SUCLA2: variants seen among roughly 807,000 people sequenced by gnomAD.
SUCLA2 encodes succinate--CoA ligase [ADP-forming] subunit beta, mitochondrial.
Under a neutral mutation model 54.8 loss-of-function variants are expected in SUCLA2, and 30 were observed. The ratio of observed to expected loss-of-function variants is 0.55; its 90% CI spans 0.41 to 0.74. The LOEUF is 0.74. Among genes scored for constraint, SUCLA2 ranks in the 30% least tolerant of loss-of-function variants. The pLI is 0.00. For missense variants in SUCLA2, 476 were observed against 562.9 expected (o/e 0.85, Z 1.56); for synonymous variants, 172 against 188.9 (o/e 0.91, Z 0.74).
chr13:47,943,267 A>T lies in SUCLA2; in HGVS notation c.*104T>A. 8.6e-7 allele frequency: 1 copy of T among 1,167,306 alleles called. No homozygotes were observed. The highest frequency in any genetic ancestry group is 1.3e-6 in the Non-Finnish European group (1 of 775,980). 72.3% of individuals were successfully genotyped at this position (1,167,306 alleles called of 1,614,324 possible). Reference sequence around the variant, plus strand: ...ATGTTTGTGTGCCTAGATGGCAATTACAATCTCCACACACTAAAAAGAAAA... The same window carrying T: ...ATGTTTGTGTGCCTAGATGGCAATTTCAATCTCCACACACTAAAAAGAAAA... On this transcript the variant is annotated 3_prime_UTR_variant, in exon 11 of 11. Coordinates refer to ENST00000646932, the MANE Select transcript of SUCLA2 (RefSeq NM_003850.3).
chr13:47,951,303 A>T (rs1292592511), intron 8 of SUCLA2, among the ~76,000 whole-genome samples: 1 of 150,642 alleles, frequency 6.6e-6, no homozygotes, highest in African/African-American at 2.4e-5. Context: ...AAAAGCCTCT[A>T]GTCCGCCACC....
At chr13:47,949,269 C>T (rs547285109) in intron 9 of SUCLA2, among the ~76,000 whole-genome samples, 8 of 152,130 alleles carry the variant, frequency 5.3e-5, no homozygotes, top group Admixed American at 2.0e-4. Context: ...AGACAAATCA[C>T]AACAAATAAA....
At chr13:47,983,462 T>C (rs1398633246) in intron 4 of SUCLA2, among the ~76,000 whole-genome samples, 2 of 151,018 alleles carry the variant, frequency 1.3e-5, no homozygotes, top group East Asian at 3.9e-4. Context: ...TAAAATATTC[T>C]AACATTTTAG....
chr13:47,954,005 CAA>C (rs1388916757), intron 8 of SUCLA2, 133 bp downstream of exon 8: 3 of 814,426 alleles, frequency 3.7e-6, no homozygotes, highest in Non-Finnish European at 4.9e-6. Context: ...GATATGATAG[CAA>C]AAAAAGACTC....
chr13:47,958,271 T>G (rs769845455), intron 6 of SUCLA2, among the ~76,000 whole-genome samples: 3 of 152,168 alleles, frequency 2.0e-5, no homozygotes, highest in Non-Finnish European at 2.9e-5. Flanking sequence ...GTAAACAAAG[T>G]GTAACCATGT....
At chr13:47,954,083 TAAGTATTTATTTTA>T in intron 8 of SUCLA2, 43 bp downstream of exon 8, 1 of 1,276,940 alleles carries the variant, frequency 7.8e-7, no homozygotes, top group Non-Finnish European at 1.0e-6. Context: ...TACATTTTTA[TAAGTATTTATTTTA>T]TATATTTACA....
At chr13:47,943,766 G>GTGTGTGTGTGTA (rs1300486540) in intron 10 of SUCLA2, among the ~76,000 whole-genome samples, 9 of 139,662 alleles carry the variant, frequency 6.4e-5, no homozygotes, top group African/African-American at 2.1e-4. Flanking sequence ...GTGTGTGTGT[G>GTGTGTGTGTGTA]TATATATATA....
intron 8 of SUCLA2, among the ~76,000 whole-genome samples, chr13:47,950,278 A>G (rs1201771883): frequency 6.6e-6 from 1 of 152,166 alleles, no homozygotes; most frequent in East Asian, 1.9e-4. Context: ...CTCACTACAT[A>G]AAGGATAATT....
intron 4 of SUCLA2, among the ~76,000 whole-genome samples, chr13:47,973,711 C>T (rs561116102): frequency 2.6e-5 from 4 of 152,242 alleles, no homozygotes; most frequent in Non-Finnish European, 4.4e-5. Context: ...CAATGATACA[C>T]TGGATAAAGA....
intron 4 of SUCLA2, among the ~76,000 whole-genome samples, chr13:47,975,247 G>A (rs922406262): frequency 9.9e-5 from 15 of 150,856 alleles, no homozygotes; most frequent in East Asian, 3.9e-4. Flanking sequence ...TGCAACCTCC[G>A]CCCCCCAGGT....
chr13:47,954,112 A>G, intron 8 of SUCLA2, 28 bp downstream of exon 8: 1 of 1,578,698 alleles, frequency 6.3e-7, no homozygotes, highest in Non-Finnish European at 8.6e-7. Flanking sequence ...TTTACATGAT[A>G]TAAAAATATA....
At chr13:47,965,434 G>T (rs1278261768) in intron 6 of SUCLA2, 1 of 374,120 alleles carries the variant, frequency 2.7e-6, no homozygotes, top group African/African-American at 2.4e-5. Context: ...AACCATGAGG[G>T]AACATCAAAC....
chr13:47,964,768 A>G (rs1405088173), intron 6 of SUCLA2, among the ~76,000 whole-genome samples: 5 of 151,994 alleles, frequency 3.3e-5, no homozygotes, highest in Non-Finnish European at 7.4e-5. Context: ...GAGGCAGGAG[A>G]ACGGCATGAA....
intron 4 of SUCLA2, among the ~76,000 whole-genome samples, chr13:47,981,981 T>C (rs1055582313): frequency 3.3e-4 from 50 of 152,216 alleles, no homozygotes; most frequent in African/African-American, 1.1e-3. Context: ...CGAGACTCTG[T>C]CTCAAAAAAA....
At chr13:47,943,762 G>A (rs71428264) in intron 10 of SUCLA2, among the ~76,000 whole-genome samples, 101,189 of 132,732 alleles carry the variant, frequency 0.76, 37,219 homozygotes, top group East Asian at 0.84. Flanking sequence ...GTGTGTGTGT[G>A]TGTGTATATA....
chr13:47,949,628 T>C, intron 8 of SUCLA2, 25 bp from the exon 9 acceptor site: 1 of 1,610,930 alleles, frequency 6.2e-7, no homozygotes, highest in African/African-American at 1.3e-5. Flanking sequence ...TTCTGATAGA[T>C]TAAAATTTAA....
In SUCLA2 at chr13:47,968,759, T is replaced by G. The variant is rs772858667; in HGVS notation, c.664-26A>C. The G allele has an allele frequency of 6.8e-6, 11 of 1,610,140 alleles. No individual in the cohort carries two copies. The South Asian group carries it at 1.2e-4, about 18-fold the overall frequency. ...CTGAAATCAATATGTCTTTTTATTATAGGTAGTTTGCATATGTCTAATCAA... is the reference window on the plus strand; with the variant it reads ...CTGAAATCAATATGTCTTTTTATTAGAGGTAGTTTGCATATGTCTAATCAA... On this transcript the variant is annotated intron_variant, in intron 5 of 10. Transcript: ENST00000646932.
intron 6 of SUCLA2, among the ~76,000 whole-genome samples, chr13:47,955,188 G>A (rs772801127): frequency 2.6e-4 from 39 of 151,958 alleles, no homozygotes; most frequent in Non-Finnish European, 4.9e-4. Context: ...GGCCAGATTC[G>A]GCCTGTGCTT....
At chr13:47,954,688 T>C in intron 6 of SUCLA2, 131 bp from the exon 7 acceptor site, 1 of 1,004,784 alleles carries the variant, frequency 1.0e-6, no homozygotes, top group Non-Finnish European at 1.5e-6. Context: ...ATATTTCAAT[T>C]TATGTTCACT....
Sources: gnomAD v4.1 joint callset for allele counts (sites outside exome capture counted in the v4.1 genomes callset) on GRCh38, gnomAD v4.1.1 for gene constraint, MANE v1.5 for transcripts, NCBI Gene and HGNC (gene_info 2026-07-23, HGNC 2026-07-21) for gene names.